The following FAAP100 variants were observed in gnomAD, a reference collection of about 807,000 sequenced individuals.
FAAP100 encodes the protein FA core complex associated protein 100, also known as Fanconi anemia core complex-associated protein 100.
A neutral mutation model predicts 65.8 loss-of-function variants in FAAP100; 46 were observed. The ratio of observed to expected loss-of-function variants is 0.70; its 90% CI spans 0.55 to 0.89. The LOEUF (loss-of-function observed/expected upper bound fraction) is 0.89, where lower values mean the gene tolerates loss of function less well. FAAP100 is among the 40% of genes least tolerant of loss of function. FAAP100 has a pLI of 0.00. For synonymous variants in FAAP100, 663 were observed against 555.1 expected (o/e 1.19, Z -2.73); for missense variants, 1,165 against 1,196.7 (o/e 0.97, Z 0.39).
intron 4 of FAAP100, 52 bp from the exon 5 acceptor site, chr17:81,547,730 G>T: frequency 6.3e-7 from 1 of 1,584,950 alleles, no homozygotes. Flanking sequence ...CACAGCACCA[G>T]GTGCCACATC....
In FAAP100 at chr17:81,542,225, ATATATAT is replaced by A. The variant is rs1323343719; in HGVS notation, c.2428-837_2428-831del. 5.5e-3 allele frequency among the ~76,000 whole-genome samples: 539 copies of A among 97,438 alleles called. 22 individuals are homozygous for A. Among genetic ancestry groups the A allele is most frequent in the African/African-American group, 0.027 (482 of 17,974 alleles). 63.9% of individuals were successfully genotyped at this position (97,438 alleles called of 152,430 possible). ...AATATATATATATATATATATATAT[ATATATAT>A]ATGAAATCAGCCAGGCGTGGTGACA... is the stretch of plus-strand genomic sequence containing the variant. On this transcript the variant is annotated intron_variant, in intron 7 of 8. Coordinates refer to ENST00000327787, the MANE Select transcript of FAAP100 (RefSeq NM_025161.6).
rs1482127498 is a variant in FAAP100 at position 81,551,115 on chromosome 17, C to T, written c.379G>A (p.Asp127Asn). 9.0e-6 allele frequency: 14 copies of T among 1,554,372 alleles called. No homozygotes were observed. In the East Asian group the frequency reaches 9.7e-5, roughly 11 times the overall value. ...AAGGTGAACGCGCACAGCGCAGCAT[C>T]GGGAAGGATGCAGGCATCGGGGTCC... is the stretch of plus-strand genomic sequence containing the variant. The part of the protein sequence containing the change: ...PVDPDACILP[D>N]AALCAFTLLD... Residue 127 changes from aspartate to asparagine, a missense_variant, in exon 3 of 9, where the codon GAT becomes AAT. Coordinates refer to ENST00000327787, the MANE Select transcript of FAAP100 (RefSeq NM_025161.6).
rs1445540446 is a variant in FAAP100, at chr17:81,541,410, A to G, written c.2428-15T>C. 2.5e-6 allele frequency: 4 copies of G among 1,589,288 alleles called. No homozygotes were observed. The highest frequency in any genetic ancestry group is 2.7e-5 in the African/African-American group (2 of 74,374). On this transcript the variant is annotated splice_polypyrimidine_tract_variant and intron_variant, in intron 7 of 8. Transcript: ENST00000327787. ...GTCACCATCGTCTGGGGGACACAGG[A>G]GACATGCTGGAGAGGGTGTGCCCCA...
chr17:81,550,390 C>T lies in FAAP100; in HGVS notation c.1104G>A (p.Val368=). Reference sequence around the variant, plus strand: ...GGGTGCTTCCCCGAGACAGATCCACCACACAGAGGTCAGAAGGGGTGCTGT... The same window carrying T: ...GGGTGCTTCCCCGAGACAGATCCACTACACAGAGGTCAGAAGGGGTGCTGT... ...VYHSTPSDLC[V]VDLSRGSTPL... Residue 368 remains valine, a synonymous_variant, in exon 3 of 9, where the codon GTG becomes GTA. Transcript: ENST00000327787. The T allele has an allele frequency of 3.1e-6, 5 of 1,612,792 alleles. No individual in the cohort carries two copies. Among genetic ancestry groups the T allele is most frequent in the Non-Finnish European group, 4.2e-6 (5 of 1,180,000 alleles).
rs1364090516 is a variant in FAAP100 at position 81,540,928 on chromosome 17, G to T, written c.2537C>A (p.Thr846Asn). 1.3e-6 allele frequency: 2 copies of T among 1,590,458 alleles called. No homozygotes were observed. Among genetic ancestry groups the T allele is most frequent in the East Asian group, 2.3e-5 (1 of 44,308 alleles). ...NHETLLREVQ[T>N]LRDRLCTEDE... ...CTCCGTGCAGAGCCGGTCGCGCAGGGTCTGCACCTCCCGCAGCAGTGTCTG... is the reference window on the plus strand; with the variant it reads ...CTCCGTGCAGAGCCGGTCGCGCAGGTTCTGCACCTCCCGCAGCAGTGTCTG... The change falls in exon 9 of 9, where the codon ACC becomes AAC. Residue 846 changes from threonine to asparagine, a missense_variant. Coordinates refer to ENST00000327787, the MANE Select transcript of FAAP100 (RefSeq NM_025161.6).
In FAAP100 at chr17:81,552,222, G is replaced by A. The variant is rs1322167952; in HGVS notation, c.109C>T (p.Leu37=). ...TAGACGAGCTCGCTCCCGGTGGACA[G>A]GAAGACCTCTGCCTCATGGCACAGC... ...RVLCHEAEVF[L]STGSELVYVY... The change falls in exon 1 of 9, where the codon CTG becomes TTG. Residue 37 remains leucine (L), a synonymous_variant. Transcript: ENST00000327787. 2.7e-6 allele frequency: 4 copies of A among 1,500,236 alleles called. No individual in the cohort carries two copies. The highest frequency in any genetic ancestry group is 1.2e-5 in the South Asian group (1 of 80,424). The allele number at this position is 1,500,236 out of a possible 1,614,324, so 92.9% of individuals were successfully genotyped here.
At chr17:81,544,170 C>T in intron 6 of FAAP100, 50 bp from the exon 7 acceptor site, 9 of 1,477,944 alleles carry the variant, frequency 6.1e-6, no homozygotes, top group Non-Finnish European at 8.5e-6. Flanking sequence ...TCCCACCTGC[C>T]CGGGGGGCTC....
At chr17:81,548,120 A>G (rs1470910873) in intron 4 of FAAP100, 1 of 613,380 alleles carries the variant, frequency 1.6e-6, no homozygotes, top group Non-Finnish European at 2.9e-6. Context: ...CGCAGGCGCT[A>G]CAGAAACAGC....
In FAAP100 at chr17:81,540,563, AG is replaced by A. The variant is rs2033050020; in HGVS notation, c.*255del. ...CAGGGGCTGCGGCCGCGGTCAGAGAAGGAGAGACACCAGCAGAGGACGCGAA... is the reference window on the plus strand; with the variant it reads ...CAGGGGCTGCGGCCGCGGTCAGAGAAGAGAGACACCAGCAGAGGACGCGAA... On this transcript the variant is annotated 3_prime_UTR_variant, in exon 9 of 9. Transcript: ENST00000327787. 1 of 453,550 alleles carries A rather than the reference AG, an allele frequency of 2.2e-6. No individual in the cohort carries two copies. The highest frequency in any genetic ancestry group is 3.8e-6 in the Non-Finnish European group (1 of 261,132). 28.1% of individuals were successfully genotyped at this position (453,550 alleles called of 1,614,324 possible).
chr17:81,549,834 G>C (rs2033427684), intron 3 of FAAP100, among the ~76,000 whole-genome samples: 1 of 152,220 alleles, frequency 6.6e-6, no homozygotes, highest in South Asian at 2.1e-4. Context: ...GTCCAGAGCA[G>C]ACTCACGGGC....
chr17:81,542,180 A>C, intron 7 of FAAP100, among the ~76,000 whole-genome samples: 1 of 26,864 alleles, frequency 3.7e-5, no homozygotes, highest in African/African-American at 1.5e-4. Context: ...AAAAAAAAAA[A>C]AAAAAAAAAA....
upstream of FAAP100, chr17:81,553,028 C>G (rs2033556784): frequency 6.5e-6 from 1 of 154,204 alleles, no homozygotes; most frequent in Non-Finnish European, 1.4e-5. Flanking sequence ...CCTCCACCCT[C>G]TCCCTCCTGG....
intron 7 of FAAP100, among the ~76,000 whole-genome samples, chr17:81,541,780 G>A (rs889867339): frequency 1.3e-5 from 2 of 152,128 alleles, no homozygotes; most frequent in African/African-American, 4.8e-5. Flanking sequence ...AGCTGCCTCG[G>A]CGTCTTGTGC....
chr17:81,546,588 A>G (rs887521919), intron 5 of FAAP100: 1 of 313,826 alleles, frequency 3.2e-6, no homozygotes, highest in Non-Finnish European at 5.8e-6. Flanking sequence ...GCCAGAGCCC[A>G]ACAGCAGAGA....
At chr17:81,543,886 C>G in intron 7 of FAAP100, 118 bp downstream of exon 7, 3 of 933,902 alleles carry the variant, frequency 3.2e-6, no homozygotes, top group Non-Finnish European at 4.9e-6. Context: ...CTTGGATCTT[C>G]CTACAACTCC....
intron 5 of FAAP100, 140 bp downstream of exon 5, chr17:81,546,769 A>C: frequency 1.1e-6 from 1 of 909,696 alleles, no homozygotes; most frequent in East Asian, 3.0e-5. Context: ...AGAGGAGATC[A>C]ATTGAGGCCA....
chr17:81,551,414 G>A (rs776965199), intron 2 of FAAP100, among the ~76,000 whole-genome samples: 2 of 152,346 alleles, frequency 1.3e-5, no homozygotes, highest in Non-Finnish European at 2.9e-5. Flanking sequence ...AGCGTGAACC[G>A]ACACCTGTCA....
chr17:81,549,300 C>CCTTTG lies in FAAP100; in HGVS notation c.1308_1309insCAAAG (p.Asp437GlnfsTer12), dbSNP rs2033412644. 1 of 1,613,004 alleles carries CCTTTG rather than the reference C, an allele frequency of 6.2e-7. No individual in the cohort carries two copies. The highest frequency in any genetic ancestry group is 1.1e-5 in the South Asian group (1 of 91,078). On this transcript the variant is annotated frameshift_variant, in exon 4 of 9. Transcript: ENST00000327787. LOFTEE classifies it high-confidence loss of function. Reference sequence around the variant, plus strand: ...CTGGCTGGGCCAGGCATCTCAGAGTCCAGGTCCAGGCTGCAGGTCATCAGG... The same window carrying CCTTTG: ...CTGGCTGGGCCAGGCATCTCAGAGTCCTTTGCAGGTCCAGGCTGCAGGTCATCAGG...
Position 81,550,263 on chromosome 17 carries a change from G to A in FAAP100, c.1231C>T (p.Pro411Ser), listed in dbSNP as rs2033440987. 1 of 1,605,128 alleles carries A rather than the reference G, an allele frequency of 6.2e-7. No homozygotes were observed. Residue 411 changes from proline to serine, a missense_variant, in exon 3 of 9, where the codon CCC becomes TCC. Transcript: ENST00000327787. Reference protein sequence around the residue: ...ICSVVSLSASPRTHEGGTKLL... With the variant: ...ICSVVSLSASSRTHEGGTKLL... Reference sequence around the variant, plus strand: ...CAGCTCATACCTTCATGCGTCCTGGGAGACGCGGACAGCGAGACGACACTG... The same window carrying A: ...CAGCTCATACCTTCATGCGTCCTGGAAGACGCGGACAGCGAGACGACACTG...
Sources: gnomAD v4.1 joint callset for allele counts (sites outside exome capture counted in the v4.1 genomes callset) on GRCh38, gnomAD v4.1.1 for gene constraint, MANE v1.5 for transcripts, NCBI Gene and HGNC (gene_info 2026-07-23, HGNC 2026-07-21) for gene names.